SCYL1: variants seen among roughly 807,000 people sequenced by gnomAD.
SCYL1 encodes SCY1 like pseudokinase 1.
A neutral mutation model predicts 94.8 loss-of-function variants in SCYL1; 85 were observed. The ratio of observed to expected loss-of-function variants is 0.90; its 90% CI spans 0.75 to 1.07. SCYL1 has a LOEUF of 1.07. Ranked by LOEUF, SCYL1 falls within the 50% of genes least tolerant of loss-of-function variation. SCYL1 has a pLI of 0.00. For synonymous variants in SCYL1, 459 were observed against 435.5 expected (o/e 1.05, Z -0.67); for missense variants, 968 against 1,083.3 (o/e 0.89, Z 1.49).
At chr11:65,538,213 A>G in intron 16 of SCYL1, 31 bp downstream of exon 16, 1 of 1,560,424 alleles carries the variant, frequency 6.4e-7, no homozygotes. Flanking sequence ...GAGAGGGTAG[A>G]GATGGTGGAC....
chr11:65,531,105 C>G (rs1381846156), intron 7 of SCYL1, among the ~76,000 whole-genome samples: 1 of 152,120 alleles, frequency 6.6e-6, no homozygotes, highest in Non-Finnish European at 1.5e-5. Flanking sequence ...CTCCTCCCTC[C>G]TGACTGCTTA....
chr11:65,538,484 G>C lies in SCYL1; in HGVS notation c.2345G>C (p.Arg782Pro). 1 of 1,592,470 alleles carries C rather than the reference G, an allele frequency of 6.3e-7. No individual in the cohort carries two copies. ...AELARKKREE[R>P]RREMEAKRAE... ...CTGGCCCGGAAGAAGCGCGAGGAGC[G>C]GCGGCGGGAGATGGAGGCCAAACGC... Residue 782 changes from arginine (R) to proline (P), a missense_variant, in exon 18 of 18, where the codon CGG (arginine) becomes CCG (proline). Arg to Pro is a moderately radical substitution (Grantham distance 103). Coordinates refer to ENST00000270176, the MANE Select transcript of SCYL1 (RefSeq NM_020680.4).
intron 6 of SCYL1, among the ~76,000 whole-genome samples, chr11:65,528,349 G>A (rs1197526760): frequency 6.6e-6 from 1 of 152,196 alleles, no homozygotes; most frequent in Non-Finnish European, 1.5e-5. Context: ...GGCTGGGGCA[G>A]GAAAATCGCT....
At chr11:65,527,481 G>A (rs987173577) in intron 6 of SCYL1, among the ~76,000 whole-genome samples, 19 of 152,140 alleles carry the variant, frequency 1.2e-4, no homozygotes, top group Non-Finnish European at 2.6e-4. Flanking sequence ...GCTCATGCCT[G>A]TAATCCCAGC....
intron 12 of SCYL1, 124 bp from the exon 13 acceptor site, chr11:65,536,462 A>C: frequency 7.1e-7 from 1 of 1,412,988 alleles, no homozygotes; most frequent in Non-Finnish European, 9.8e-7. Context: ...CCCCCTTCAC[A>C]GATGGGAGAA....
chr11:65,533,100 T>C, intron 9 of SCYL1: 1 of 377,084 alleles, frequency 2.7e-6, no homozygotes, highest in South Asian at 3.1e-5. Flanking sequence ...GAGGGTGGGC[T>C]TGCCAGACAA....
Position 65,538,533 on chromosome 11 carries a change from C to G in SCYL1, c.2394C>G (p.Gly798=), listed in dbSNP as rs373594681. Residue 798 remains glycine, a synonymous_variant, in exon 18 of 18, where the codon GGC becomes GGG. Transcript: ENST00000270176. The part of the protein sequence containing the change: ...AKRAERKVAK[G]PMKLGARKLD Reference sequence around the variant, plus strand: ...GCGCCGAGAGGAAGGTGGCCAAGGGCCCCATGAAGCTGGGAGCCCGGAAGC... The same window carrying G: ...GCGCCGAGAGGAAGGTGGCCAAGGGGCCCATGAAGCTGGGAGCCCGGAAGC... 1 of 1,611,074 alleles carries G rather than the reference C, an allele frequency of 6.2e-7. No homozygotes were observed.
Position 65,526,455 on chromosome 11 carries a change from C to T in SCYL1, c.602+105C>T, listed in dbSNP as rs1855085757. ...CACTCCCCTGTTCCCTGCTGCCTGG[C>T]TGGGGAGGGAATCAGTGTCCCAGGA... On this transcript the variant is annotated intron_variant, in intron 4 of 17. Transcript: ENST00000270176. The surrounding 1 kb of genome is among the most constrained non-coding windows in gnomAD (Gnocchi z 4.1). The T allele has an allele frequency of 2.1e-6, 2 of 952,102 alleles. No individual in the cohort carries two copies. The highest frequency in any genetic ancestry group is 2.9e-5 in the Admixed American group (1 of 34,996). The allele number at this position is 952,102 out of a possible 1,614,324, so 59.0% of individuals were successfully genotyped here.
At position 65,525,996 on chromosome 11, in the gene SCYL1, G is replaced by A. The variant is rs377002535; in HGVS notation, c.328G>A (p.Gly110Ser). 9.9e-6 allele frequency: 16 copies of A among 1,613,278 alleles called. No individual in the cohort carries two copies. The highest frequency in any genetic ancestry group is 1.3e-5 in the African/African-American group (1 of 74,930). The change falls in exon 3 of 18, where the codon GGT (glycine) becomes AGT (serine). Residue 110 changes from glycine to serine, a missense_variant. Transcript: ENST00000270176. ...ATACCTCAAGGCGAGAGTGGAGGCT[G>A]GTGGCCTGAAGGAGCTGGAGATCTC... ...GIYLKARVEAGGLKELEISWG... is the reference protein window; with the variant it reads ...GIYLKARVEASGLKELEISWG...
Position 65,536,254 on chromosome 11 carries a change from C to G in SCYL1, c.1576-5C>G. On this transcript the variant is annotated splice_region_variant and splice_polypyrimidine_tract_variant and intron_variant, in intron 11 of 17. Transcript: ENST00000270176. ...AGACCCCAGCTCTGCCTCGTTACCC[C>G]ACAGGCCTTCAAGGCCATTCGGAGC... The G allele has an allele frequency of 6.2e-7, 1 of 1,613,756 alleles. No individual in the cohort carries two copies. The highest frequency in any genetic ancestry group is 8.5e-7 in the Non-Finnish European group (1 of 1,179,652).
rs746869284 is a variant in SCYL1, at chr11:65,538,553, G to A, written c.2414G>A (p.Arg805Gln). 44 of 1,611,322 alleles carry A rather than the reference G, an allele frequency of 2.7e-5. No homozygotes were observed. Among genetic ancestry groups the A allele is most frequent in the Non-Finnish European group, 3.6e-5 (43 of 1,179,434 alleles). Residue 805 changes from arginine (R) to glutamine (Q), a missense_variant, in exon 18 of 18, where the codon CGG (arginine) becomes CAG (glutamine). By Grantham distance (43) the Arg-to-Gln change is conservative. Transcript: ENST00000270176. ...VAKGPMKLGA[R>Q]KLD ...AAGGGCCCCATGAAGCTGGGAGCCC[G>A]GAAGCTGGACTGAACCGTGGCGGTG...
intron 9 of SCYL1, among the ~76,000 whole-genome samples, chr11:65,534,785 G>A (rs1251095663): frequency 6.6e-6 from 1 of 152,190 alleles, no homozygotes; most frequent in South Asian, 2.1e-4. Flanking sequence ...GAACCAGGAG[G>A]GGGTGGTGTC....
At chr11:65,525,545 C>T (rs1023729914) in intron 1 of SCYL1, 29 bp from the exon 2 acceptor site, 1 of 1,606,428 alleles carries the variant, frequency 6.2e-7, no homozygotes, top group Non-Finnish European at 8.5e-7. Context: ...AGCTCTGGGA[C>T]CATCTCAGGC....
At position 65,538,317 on chromosome 11, in the gene SCYL1, T is replaced by TGACA; in HGVS notation, c.2297_2300dup (p.Ser767ArgfsTer8). On this transcript the variant is annotated frameshift_variant, in exon 17 of 18. Coordinates refer to ENST00000270176, the MANE Select transcript of SCYL1 (RefSeq NM_020680.4). LOFTEE classifies it high-confidence loss of function. ...AGGACAACTGGGAGGGCCTCGAGAC[T>TGACA]GACAGTCGTAAGTGCTTCCCCTGGG... The TGACA allele has an allele frequency of 6.5e-7, 1 of 1,549,562 alleles. No homozygotes were observed. The highest frequency in any genetic ancestry group is 8.7e-7 in the Non-Finnish European group (1 of 1,146,052).
At chr11:65,535,509 C>A (rs1437261689) in intron 10 of SCYL1, 127 bp downstream of exon 10, 2 of 1,239,724 alleles carry the variant, frequency 1.6e-6, no homozygotes, top group Admixed American at 4.8e-5. Context: ...CGCTGTTGGC[C>A]CCATATCTGG....
At position 65,525,149 on chromosome 11, in the gene SCYL1, G is replaced by T; in HGVS notation, c.-5G>T. ...GCGCCCGAACCCGCGGCGGCGGTGGGGACGATGTGGTTCTTTGCCCGGGAC... is the reference window on the plus strand; with the variant it reads ...GCGCCCGAACCCGCGGCGGCGGTGGTGACGATGTGGTTCTTTGCCCGGGAC... On this transcript the variant is annotated 5_prime_UTR_variant, in exon 1 of 18. Coordinates refer to ENST00000270176, the MANE Select transcript of SCYL1 (RefSeq NM_020680.4). The T allele has an allele frequency of 7.5e-7, 1 of 1,336,070 alleles. No homozygotes were observed. The allele number at this position is 1,336,070 out of a possible 1,614,324, so 82.8% of individuals were successfully genotyped here.
Position 65,535,212 on chromosome 11 carries a change from A to G in SCYL1, c.1231-15A>G. 6.2e-7 allele frequency: 1 copy of G among 1,612,110 alleles called. No individual in the cohort carries two copies. Among genetic ancestry groups the G allele is most frequent in the South Asian group, 1.1e-5 (1 of 91,054 alleles). On this transcript the variant is annotated splice_polypyrimidine_tract_variant and intron_variant, in intron 9 of 17. Coordinates refer to ENST00000270176, the MANE Select transcript of SCYL1 (RefSeq NM_020680.4). ...CCGCCACAGCCCACAGTTCCCACTC[A>G]TTTCTGCCCCACAGTCCATGCTGCT... is the stretch of plus-strand genomic sequence containing the variant.
Position 65,538,254 on chromosome 11 carries a change from A to C in SCYL1, c.2248-16A>C, listed in dbSNP as rs956603898. Reference sequence around the variant, plus strand: ...CCAGAAGTGGGCCCCACTGCAGCCCACACTTCTCTTTACAGCCGAGGCCAG... The same window carrying C: ...CCAGAAGTGGGCCCCACTGCAGCCCCCACTTCTCTTTACAGCCGAGGCCAG... On this transcript the variant is annotated splice_polypyrimidine_tract_variant and intron_variant, in intron 16 of 17. Coordinates refer to ENST00000270176, the MANE Select transcript of SCYL1 (RefSeq NM_020680.4). The C allele has an allele frequency of 1.3e-6, 2 of 1,553,650 alleles. No homozygotes were observed. Among genetic ancestry groups the C allele is most frequent in the African/African-American group, 2.7e-5 (2 of 73,160 alleles).
rs1486782972 is a variant in SCYL1, at chr11:65,537,113, CTG to C, written c.1945_1946del (p.Trp649GlyfsTer27). The C allele has an allele frequency of 6.2e-7, 1 of 1,614,050 alleles. No homozygotes were observed. The highest frequency in any genetic ancestry group is 1.3e-5 in the African/African-American group (1 of 74,916). On this transcript the variant is annotated frameshift_variant, in exon 14 of 18. Coordinates refer to ENST00000270176, the MANE Select transcript of SCYL1 (RefSeq NM_020680.4). LOFTEE classifies it high-confidence loss of function. ...CTGCTGACAGATGGGACGACGAAGA[CTG>C]GGGCAGCCTGGAGGTGTGTGGGGCT... ...STADRWDDEDWGSLEQEAESV... is the reference protein window; with the variant it reads ...STADRWDDEDXGSLEQEAESV...
Sources: allele counts gnomAD v4.1 joint callset (sites outside exome capture counted in the v4.1 genomes callset), GRCh38; gene constraint gnomAD v4.1.1; non-coding constraint Gnocchi (gnomAD v3.1); transcripts MANE v1.5; gene names NCBI Gene and HGNC (gene_info 2026-07-23, HGNC 2026-07-21).